DPYSL3: variants seen among roughly 807,000 people sequenced by gnomAD.
The protein encoded by DPYSL3 is dihydropyrimidinase-related protein 3.
Under a neutral mutation model 66.1 loss-of-function variants are expected in DPYSL3, and 16 were observed. The ratio of observed to expected loss-of-function variants is 0.24; its 90% confidence interval spans 0.16 to 0.37. The LOEUF (loss-of-function observed/expected upper bound fraction) is 0.37. Ranked by LOEUF, DPYSL3 falls within the 10% of genes least tolerant of loss-of-function variation. The pLI is 1.00. For missense variants in DPYSL3, 738 were observed against 916.2 expected (o/e 0.81, Z 2.51); for synonymous variants, 338 against 345.1 (o/e 0.98, Z 0.23).
At chr5:147,494,066 G>A (rs1243132660) in intron 1 of DPYSL3, among the ~76,000 whole-genome samples, 3 of 152,028 alleles carry the variant, frequency 2.0e-5, no homozygotes, top group East Asian at 1.9e-4. Context: ...GGTGGCAGGC[G>A]CCTGTAATCC....
At chr5:147,394,402 C>T (rs1001999090) in intron 13 of DPYSL3, among the ~76,000 whole-genome samples, 10 of 152,118 alleles carry the variant, frequency 6.6e-5, no homozygotes, top group East Asian at 1.9e-4. Flanking sequence ...ATGACAAAGA[C>T]GTGACACTCA....
chr5:147,467,565 C>A (rs1341331563), intron 1 of DPYSL3, among the ~76,000 whole-genome samples: 2 of 152,076 alleles, frequency 1.3e-5, no homozygotes, highest in Non-Finnish European at 2.9e-5. Flanking sequence ...GAACGCCTTC[C>A]AAAAAGGCAT....
rs190902671 is a variant in DPYSL3, at chr5:147,437,239, C to T, written c.382-12276G>A. Among the ~76,000 whole-genome samples, 21 of 152,294 alleles carry T rather than the reference C, an allele frequency of 1.4e-4. No individual in the cohort carries two copies. The South Asian group carries it at 1.9e-3, about 14-fold the overall frequency. On this transcript the variant is annotated intron_variant, in intron 1 of 13. Transcript: ENST00000343218. ...GACAGGGCCTTTACAATGACAAAGA[C>T]GTCGAGTGAATTCCCACCCTATTGC...
intron 1 of DPYSL3, among the ~76,000 whole-genome samples, chr5:147,428,274 T>C (rs1176410703): frequency 6.6e-6 from 1 of 152,204 alleles, no homozygotes; most frequent in Non-Finnish European, 1.5e-5. Context: ...ATTATTAATT[T>C]GTTTTCACCA....
intron 1 of DPYSL3, among the ~76,000 whole-genome samples, chr5:147,500,610 T>C (rs1450156746): frequency 7.8e-6 from 1 of 128,128 alleles, no homozygotes; most frequent in Non-Finnish European, 1.6e-5. Flanking sequence ...TGAGACTCCA[T>C]CTCAAAAAAA....
intron 1 of DPYSL3, among the ~76,000 whole-genome samples, chr5:147,440,770 C>A (rs944203683): frequency 6.6e-6 from 1 of 152,120 alleles, no homozygotes. Context: ...TTTTTTATTT[C>A]TCCTAACATT....
At chr5:147,409,286 C>T (rs944869557) in intron 6 of DPYSL3, among the ~76,000 whole-genome samples, 1 of 152,194 alleles carries the variant, frequency 6.6e-6, no homozygotes, top group African/African-American at 2.4e-5. Flanking sequence ...AAGTGTGGGC[C>T]ACTCATCACT....
chr5:147,446,613 CT>C (rs1273443551), intron 1 of DPYSL3, among the ~76,000 whole-genome samples: 2 of 152,172 alleles, frequency 1.3e-5, no homozygotes, highest in Non-Finnish European at 2.9e-5. Flanking sequence ...GACAGCCTGG[CT>C]ATGTCTGGGA....
rs560102773 is a variant in DPYSL3, at chr5:147,427,227, C to T, written c.382-2264G>A. Among the ~76,000 whole-genome samples, 70 of 152,342 alleles carry T rather than the reference C, an allele frequency of 4.6e-4. No individual in the cohort carries two copies. The Middle Eastern group carries it at 0.017, about 37-fold the overall frequency. Reference sequence around the variant, plus strand: ...TTCCAGCAAATTTCACCTGCTCCCACTGCAAGTTAGTTGGAAAAATAACAA... The same window carrying T: ...TTCCAGCAAATTTCACCTGCTCCCATTGCAAGTTAGTTGGAAAAATAACAA... On this transcript the variant is annotated intron_variant, in intron 1 of 13. Coordinates refer to ENST00000343218, the MANE Select transcript of DPYSL3 (RefSeq NM_001197294.2).
At chr5:147,469,404 G>T (rs1753053532) in intron 1 of DPYSL3, among the ~76,000 whole-genome samples, 1 of 152,106 alleles carries the variant, frequency 6.6e-6, no homozygotes, top group African/African-American at 2.4e-5. Context: ...TAGCAACTGT[G>T]GTGCCCCACA....
At chr5:147,442,482 A>G (rs1752551194) in intron 1 of DPYSL3, among the ~76,000 whole-genome samples, 1 of 152,240 alleles carries the variant, frequency 6.6e-6, no homozygotes, top group Admixed American at 6.5e-5. Flanking sequence ...GAGTAAAGAC[A>G]CTGGGATTTC....
intron 1 of DPYSL3, among the ~76,000 whole-genome samples, chr5:147,427,052 T>C (rs2126335834): frequency 6.6e-6 from 1 of 152,300 alleles, no homozygotes; most frequent in South Asian, 2.1e-4. Flanking sequence ...TGACAGAACA[T>C]GCAGTTCTTG....
intron 1 of DPYSL3, among the ~76,000 whole-genome samples, chr5:147,490,852 A>T (rs1200566064): frequency 6.6e-6 from 1 of 152,144 alleles, no homozygotes; most frequent in Non-Finnish European, 1.5e-5. Flanking sequence ...AGAGTTAAAA[A>T]CTTCAGATGC....
chr5:147,441,934 A>G (rs538368180), intron 1 of DPYSL3, among the ~76,000 whole-genome samples: 1 of 152,322 alleles, frequency 6.6e-6, no homozygotes, highest in African/African-American at 2.4e-5. Flanking sequence ...CTAGAAGCAG[A>G]TTATATTCAA....
At chr5:147,454,050 G>C (rs144063861) in intron 1 of DPYSL3, 4 of 153,150 alleles carry the variant, frequency 2.6e-5, no homozygotes, top group African/African-American at 9.7e-5. Flanking sequence ...CAGGGGGCGC[G>C]AGGGGCTTTT....
intron 1 of DPYSL3, among the ~76,000 whole-genome samples, chr5:147,485,404 C>T (rs191155700): frequency 2.0e-5 from 3 of 152,326 alleles, no homozygotes; most frequent in African/African-American, 7.2e-5. Context: ...ACCAGGAGTA[C>T]TTCCTCACAG....
At chr5:147,397,609 T>C (rs1056943854) in intron 12 of DPYSL3, 57 bp downstream of exon 12, 3 of 1,557,178 alleles carry the variant, frequency 1.9e-6, no homozygotes, top group Admixed American at 1.7e-5. Flanking sequence ...TTACTATCTC[T>C]GAGCGTGAGT....
At chr5:147,418,164 G>A (rs546456165) in intron 3 of DPYSL3, among the ~76,000 whole-genome samples, 1 of 152,294 alleles carries the variant, frequency 6.6e-6, no homozygotes, top group Non-Finnish European at 1.5e-5. Flanking sequence ...GCCCAGAGAT[G>A]CTATTTCCTA....
At chr5:147,470,557 C>T (rs1056255317) in intron 1 of DPYSL3, among the ~76,000 whole-genome samples, 5 of 152,112 alleles carry the variant, frequency 3.3e-5, no homozygotes, top group Non-Finnish European at 7.4e-5. Context: ...TCCAATCATT[C>T]CTCAGTATTC....
Sources: gnomAD v4.1 joint callset for allele counts (sites outside exome capture counted in the v4.1 genomes callset) on GRCh38, gnomAD v4.1.1 for gene constraint, MANE v1.5 for transcripts, NCBI Gene and HGNC (gene_info 2026-07-23, HGNC 2026-07-21) for gene names.